The following PCDH15 variants were observed in gnomAD, a reference collection of about 807,000 sequenced individuals.
The protein encoded by PCDH15 is protocadherin related 15.
Under a neutral mutation model 178.5 loss-of-function variants are expected in PCDH15, and 129 were observed. That is an observed-to-expected ratio of 0.72 (90% CI 0.63 to 0.84). PCDH15 has a LOEUF of 0.84. Among genes scored for constraint, PCDH15 ranks in the 40% least tolerant of loss-of-function variants. The pLI is 0.00. For missense variants in PCDH15, 2,230 were observed against 2,099.9 expected, an observed-to-expected ratio of 1.06 and a Z score of -1.21; for synonymous variants, 800 against 732.0, an observed-to-expected ratio of 1.09 and a Z score of -1.50.
intron 10 of PCDH15, among the ~76,000 whole-genome samples, chr10:54,197,112 A>G (rs1012768609): frequency 6.6e-6 from 1 of 152,138 alleles, no homozygotes; most frequent in Non-Finnish European, 1.5e-5. Flanking sequence ...TTTCATTGTA[A>G]TGTTGTAGAA....
intron 1 of PCDH15, among the ~76,000 whole-genome samples, chr10:54,707,979 G>A (rs1282593991): frequency 2.0e-5 from 3 of 152,150 alleles, no homozygotes; most frequent in Non-Finnish European, 2.9e-5. Context: ...TTAAATGCAG[G>A]TAATGAGTTA....
intron 3 of PCDH15, among the ~76,000 whole-genome samples, chr10:54,827,767 A>G (rs1591725195): frequency 6.6e-6 from 1 of 152,224 alleles, no homozygotes; most frequent in African/African-American, 2.4e-5. Flanking sequence ...TAGTATATCT[A>G]CCATGTTCCA....
intron 1 of PCDH15, among the ~76,000 whole-genome samples, chr10:55,316,607 T>G (rs1432902711): frequency 6.6e-6 from 1 of 152,158 alleles, no homozygotes; most frequent in East Asian, 1.9e-4. Context: ...TGTTTTGGAA[T>G]ACATTAATGA....
intron 2 of PCDH15, among the ~76,000 whole-genome samples, chr10:55,461,121 TATTCAC>T (rs1232111755): frequency 6.6e-6 from 1 of 152,142 alleles, no homozygotes; most frequent in African/African-American, 2.4e-5. Context: ...TTTTCTCAGG[TATTCAC>T]ACTGATCGGT....
At chr10:53,808,319 AGTGTGT>A (rs145527249) in intron 37 of PCDH15, 3 of 213,226 alleles carry the variant, frequency 1.4e-5, no homozygotes, top group East Asian at 1.9e-4. Flanking sequence ...AAACATATAT[AGTGTGT>A]GTGTGTATAT....
chr10:54,513,352 C>G (rs2081902244), intron 3 of PCDH15, among the ~76,000 whole-genome samples: 1 of 151,928 alleles, frequency 6.6e-6, no homozygotes, highest in African/African-American at 2.4e-5. Flanking sequence ...ACTCTGCCTC[C>G]TGGGTTTAAG....
At chr10:55,242,455 A>G (rs1592014779) in intron 1 of PCDH15, among the ~76,000 whole-genome samples, 1 of 152,186 alleles carries the variant, frequency 6.6e-6, no homozygotes, top group East Asian at 1.9e-4. Flanking sequence ...TGGTTTCTAC[A>G]TAAGAAAATA....
chr10:55,615,236 C>T (rs1843450361), intron 2 of PCDH15, among the ~76,000 whole-genome samples: 2 of 149,948 alleles, frequency 1.3e-5, no homozygotes, highest in Non-Finnish European at 3.0e-5. Context: ...TTTGACAAAA[C>T]ATTTAAAGAA....
intron 26 of PCDH15, among the ~76,000 whole-genome samples, chr10:53,892,051 C>CAG (rs2081603676): frequency 8.8e-6 from 1 of 113,648 alleles, no homozygotes; most frequent in African/African-American, 3.7e-5. Flanking sequence ...TTTTCCAAGA[C>CAG]AGAGTCTCTG....
rs554804981 is a variant in PCDH15 at position 55,274,451 on chromosome 10, A to G, written c.-156+45148T>C. ...CTGATTTGTCTACATATCTTTCCCA[A>G]TGGGAACTAACCTTAAGAGAAAGCA... On this transcript the variant is annotated intron_variant, in intron 1 of 5. Coordinates refer to the PCDH15 transcript ENST00000458638. 8.5e-5 allele frequency among the ~76,000 whole-genome samples: 13 copies of G among 152,132 alleles called. No homozygotes were observed. The South Asian group carries it at 1.7e-3, about 19-fold the overall frequency.
intron 13 of PCDH15, among the ~76,000 whole-genome samples, chr10:54,174,000 G>A (rs1392598829): frequency 6.6e-6 from 1 of 152,116 alleles, no homozygotes; most frequent in Admixed American, 6.5e-5. Context: ...ATAAGAGAAA[G>A]ATAAAATGCT....
intron 15 of PCDH15, among the ~76,000 whole-genome samples, chr10:54,111,368 T>G (rs1400963377): frequency 6.6e-6 from 1 of 152,126 alleles, no homozygotes; most frequent in African/African-American, 2.4e-5. Context: ...TCTTTTTTCA[T>G]TTAACTTTAG....
chr10:54,376,030 G>A (rs1259251563), intron 4 of PCDH15, among the ~76,000 whole-genome samples: 1 of 151,448 alleles, frequency 6.6e-6, no homozygotes, highest in Non-Finnish European at 1.5e-5. Context: ...CAGTAGCTGG[G>A]ATTACAGGGT....
At chr10:54,519,566 T>C (rs1001092934) in intron 3 of PCDH15, among the ~76,000 whole-genome samples, 5 of 151,994 alleles carry the variant, frequency 3.3e-5, no homozygotes, top group African/African-American at 7.2e-5. Flanking sequence ...TAAAAGAGGA[T>C]ACAAACAAAT....
intron 25 of PCDH15, among the ~76,000 whole-genome samples, chr10:53,935,268 A>C (rs1222655493): frequency 6.6e-6 from 1 of 152,236 alleles, no homozygotes; most frequent in Non-Finnish European, 1.5e-5. Flanking sequence ...AAAACATAGG[A>C]AATAGTGTCT....
chr10:54,185,058 A>G, intron 12 of PCDH15, 76 bp downstream of exon 12: 1 of 1,546,872 alleles, frequency 6.5e-7, no homozygotes, highest in Non-Finnish European at 8.9e-7. Context: ...TTAACCAGAC[A>G]TCTCTTTCAG....
chr10:55,541,380 G>A (rs887052395), intron 2 of PCDH15, among the ~76,000 whole-genome samples: 3 of 151,980 alleles, frequency 2.0e-5, no homozygotes, highest in African/African-American at 7.2e-5. Flanking sequence ...TTTTCTTAAT[G>A]AAGAAAGGAG....
intron 2 of PCDH15, among the ~76,000 whole-genome samples, chr10:54,547,068 G>T (rs1405758794): frequency 6.6e-6 from 1 of 152,088 alleles, no homozygotes; most frequent in African/African-American, 2.4e-5. Flanking sequence ...GTCAATATTT[G>T]TTGGCATTTG....
At chr10:55,236,088 C>T (rs1252674129) in intron 1 of PCDH15, among the ~76,000 whole-genome samples, 1 of 151,448 alleles carries the variant, frequency 6.6e-6, no homozygotes, top group African/African-American at 2.4e-5. Flanking sequence ...ATTCTCTGTC[C>T]TGCTGTTTTT....
Sources: gnomAD v4.1 joint callset for allele counts (sites outside exome capture counted in the v4.1 genomes callset) on GRCh38, gnomAD v4.1.1 for gene constraint, MANE v1.5 for transcripts, NCBI Gene and HGNC (gene_info 2026-07-23, HGNC 2026-07-21) for gene names.